Variants in PCDHGA6 observed in about 807,000 individuals in gnomAD.
PCDHGA6 encodes protocadherin gamma-A6.
A neutral mutation model predicts 60.6 loss-of-function variants in PCDHGA6; 41 were observed. The ratio of observed to expected loss-of-function variants is 0.68; its 90% CI spans 0.53 to 0.88. PCDHGA6 has a LOEUF of 0.88. Ranked by LOEUF, PCDHGA6 falls within the 40% of genes least tolerant of loss-of-function variation. PCDHGA6 has a pLI of 0.00. For missense variants in PCDHGA6, 1,312 were observed against 1,203.0 expected (o/e 1.09, Z -1.34); for synonymous variants, 594 against 524.4 (o/e 1.13, Z -1.81).
intron 2 of PCDHGA6, among the ~76,000 whole-genome samples, chr5:141,501,761 G>C (rs906778888): frequency 2.6e-5 from 4 of 152,090 alleles, no homozygotes; most frequent in African/African-American, 4.8e-5. Flanking sequence ...CTCAGTAAAT[G>C]GTTAAAAAAG....
At position 141,485,413 on chromosome 5, in the gene PCDHGA6, C is replaced by T; in HGVS notation, c.2425-9394C>T. ...AAAGACACTTCCGTGTGGATTTGGA[C>T]AGCGGAGCCCTGCTCATCAAGAACC... On this transcript the variant is annotated intron_variant, in intron 1 of 3. Transcript: ENST00000517434. The surrounding 1 kb of genome is among the most constrained non-coding windows in gnomAD (Gnocchi z 5.7). The T allele has an allele frequency of 6.2e-7, 1 of 1,614,158 alleles. No individual in the cohort carries two copies. The highest frequency in any genetic ancestry group is 8.5e-7 in the Non-Finnish European group (1 of 1,180,030).
rs762770481 is a variant in PCDHGA6, at chr5:141,432,320, G to GACT, written c.2424+55816_2424+55818dup. On this transcript the variant is annotated intron_variant, in intron 1 of 3. Coordinates refer to ENST00000517434, the MANE Select transcript of PCDHGA6 (RefSeq NM_018919.3). This position sits in a 1 kb window ranked among gnomAD's most constrained non-coding sequence, Gnocchi z 6.0. ...GGTACTGTATGCGCTGAGCTCCTTC[G>GACT]ACTACGAGCAGTTCCGAGACTTGCA... is the stretch of plus-strand genomic sequence containing the variant. The GACT allele has an allele frequency of 2.6e-5, 42 of 1,614,238 alleles. No individual in the cohort carries two copies. The highest frequency in any genetic ancestry group is 3.6e-5 in the Non-Finnish European group (42 of 1,180,038).
intron 2 of PCDHGA6, among the ~76,000 whole-genome samples, chr5:141,500,893 A>G (rs1393294152): frequency 1.1e-5 from 1 of 94,848 alleles, no homozygotes; most frequent in Non-Finnish European, 2.0e-5. Context: ...TTTTTTTGAG[A>G]CAGTCTCGCT....
At chr5:141,459,302 A>T (rs1401348885) in intron 1 of PCDHGA6, among the ~76,000 whole-genome samples, 1 of 152,210 alleles carries the variant, frequency 6.6e-6, no homozygotes, top group African/African-American at 2.4e-5. Flanking sequence ...CCTATAACAT[A>T]TACTATTTTG....
chr5:141,399,010 G>A (rs1400790755), intron 1 of PCDHGA6: 5 of 1,613,726 alleles, frequency 3.1e-6, no homozygotes, highest in African/African-American at 1.3e-5. Flanking sequence ...TTCAAAGAGC[G>A]GAGAAATTAC....
In PCDHGA6 at chr5:141,486,890, G is replaced by T; in HGVS notation, c.2425-7917G>T. On this transcript the variant is annotated intron_variant, in intron 1 of 3. Coordinates refer to ENST00000517434, the MANE Select transcript of PCDHGA6 (RefSeq NM_018919.3). The surrounding 1 kb of genome is among the most constrained non-coding windows in gnomAD (Gnocchi z 5.0). ...TGTGCTCCGTCCTCGGGCCCGGCCT[G>T]GTTCCTTATGTCCCCAAGCACTGCC... 6.2e-7 allele frequency: 1 copy of T among 1,614,242 alleles called. No individual in the cohort carries two copies. The highest frequency in any genetic ancestry group is 8.5e-7 in the Non-Finnish European group (1 of 1,180,048).
chr5:141,392,167 C>T (rs565694057), intron 1 of PCDHGA6: 40 of 152,290 alleles, frequency 2.6e-4, no homozygotes, highest in African/African-American at 7.9e-4. Context: ...ATTTCTGAGT[C>T]AGTCATCTCC....
chr5:141,389,853 A>G, intron 1 of PCDHGA6: 1 of 1,614,050 alleles, frequency 6.2e-7, no homozygotes, highest in South Asian at 1.1e-5. Context: ...GGCCACTGCC[A>G]CGTTGCACCT....
chr5:141,386,377 T>G (rs535243472), intron 1 of PCDHGA6, among the ~76,000 whole-genome samples: 33 of 152,286 alleles, frequency 2.2e-4, no homozygotes, highest in African/African-American at 7.9e-4. Flanking sequence ...CTTTGAGTAT[T>G]AATTAAAAAC....
chr5:141,413,838 G>A, intron 1 of PCDHGA6: 1 of 1,613,284 alleles, frequency 6.2e-7, no homozygotes, highest in Non-Finnish European at 8.5e-7. Context: ...CCTCCGACGG[G>A]GGTGACCCTC....
chr5:141,377,563 C>G (rs987370681), intron 1 of PCDHGA6: 4 of 151,534 alleles, frequency 2.6e-5, no homozygotes, highest in African/African-American at 9.7e-5. Context: ...GTCACTGCAC[C>G]CTAGCCTGGG....
rs747671382 is a variant in PCDHGA6 at position 141,444,152 on chromosome 5, A to ATTTTTT, written c.2425-50624_2425-50619dup. ...GATATGTGTCACTTGTGTGTACTGG[A>ATTTTTT]TTTTTTTTTTTTTTTTTTTTTTTTT... On this transcript the variant is annotated intron_variant, in intron 1 of 3. Coordinates refer to ENST00000517434, the MANE Select transcript of PCDHGA6 (RefSeq NM_018919.3). Among the ~76,000 whole-genome samples the ATTTTTT allele has an allele frequency of 3.5e-4, 12 of 33,898 alleles. 1 individual carries two copies. Among genetic ancestry groups the ATTTTTT allele is most frequent in the African/African-American group, 4.2e-4 (3 of 7,184 alleles). The allele number at this position is 33,898 out of a possible 152,430, so 22.2% of individuals were successfully genotyped here.
Position 141,375,095 on chromosome 5 carries a change from T to G in PCDHGA6, c.1012T>G (p.Leu338Val). The change falls in exon 1 of 4, where the codon TTG becomes GTG. Residue 338 changes from leucine to valine, a missense_variant. Coordinates refer to ENST00000517434, the MANE Select transcript of PCDHGA6 (RefSeq NM_018919.3). ...RDRAKVLITI[L>V]DVNDNVPEVV... is the part of the protein sequence containing the mutation. ...CAGAGCGAAAGTCTTAATAACTATC[T>G]TGGATGTCAATGATAATGTACCAGA... 6.2e-7 allele frequency: 1 copy of G among 1,613,960 alleles called. No individual in the cohort carries two copies.
chr5:141,432,627 C>T lies in PCDHGA6; in HGVS notation c.2424+56120C>T. ...GGACTCTTCTCGGTGGGTCTGCACA[C>T]GGGCGAGGTGCGCACGGCGCGAGCC... On this transcript the variant is annotated intron_variant, in intron 1 of 3. Coordinates refer to ENST00000517434, the MANE Select transcript of PCDHGA6 (RefSeq NM_018919.3). This position sits in a 1 kb window ranked among gnomAD's most constrained non-coding sequence, Gnocchi z 6.0. 1.2e-6 allele frequency: 2 copies of T among 1,613,770 alleles called. No individual in the cohort carries two copies. Among genetic ancestry groups the T allele is most frequent in the Non-Finnish European group, 1.7e-6 (2 of 1,179,944 alleles).
chr5:141,426,629 T>G (rs1384012221), intron 1 of PCDHGA6: 4 of 397,284 alleles, frequency 1.0e-5, no homozygotes, highest in South Asian at 7.2e-5. Context: ...CTCTAAATGT[T>G]TTTCACATAA....
At chr5:141,395,169 G>A in intron 1 of PCDHGA6, 3 of 1,614,020 alleles carry the variant, frequency 1.9e-6, no homozygotes, top group Non-Finnish European at 2.5e-6. Flanking sequence ...GGAGGGCTGT[G>A]AGAAAAATGA....
intron 1 of PCDHGA6, chr5:141,414,836 T>C: frequency 6.2e-7 from 1 of 1,614,222 alleles, no homozygotes; most frequent in Non-Finnish European, 8.5e-7. Context: ...TCGTTGAGCC[T>C]GTTTGTGCTG....
chr5:141,487,397 G>C lies in PCDHGA6; in HGVS notation c.2425-7410G>C. On this transcript the variant is annotated intron_variant, in intron 1 of 3. Coordinates refer to ENST00000517434, the MANE Select transcript of PCDHGA6 (RefSeq NM_018919.3). The surrounding 1 kb of genome is among the most constrained non-coding windows in gnomAD (Gnocchi z 5.0). ...TCTCACCAGATCTCGAAGGAGGGAG[G>C]GGCTTCCCCCTTCCAATGGGATCCT... The C allele has an allele frequency of 6.2e-7, 1 of 1,614,062 alleles. No homozygotes were observed. The highest frequency in any genetic ancestry group is 8.5e-7 in the Non-Finnish European group (1 of 1,180,008).
In PCDHGA6 at chr5:141,477,533, G is replaced by C. The variant is rs780541121; in HGVS notation, c.2425-17274G>C. On this transcript the variant is annotated intron_variant, in intron 1 of 3. Transcript: ENST00000517434. This position sits in a 1 kb window ranked among gnomAD's most constrained non-coding sequence, Gnocchi z 4.9. ...TTACATTGAAGAAAACAACCTCCCC[G>C]GGGCTCCAATACTAAACCTAAGTGT... The C allele has an allele frequency of 6.2e-7, 1 of 1,613,892 alleles. No individual in the cohort carries two copies. The highest frequency in any genetic ancestry group is 1.3e-5 in the African/African-American group (1 of 74,852).
Sources: gnomAD v4.1 joint callset for allele counts (sites outside exome capture counted in the v4.1 genomes callset) on GRCh38, gnomAD v4.1.1 for gene constraint, Gnocchi (gnomAD v3.1) non-coding constraint, MANE v1.5 for transcripts, NCBI Gene and HGNC (gene_info 2026-07-23, HGNC 2026-07-21) for gene names.